The following CDH13 variants were observed in gnomAD, a reference collection of about 807,000 sequenced individuals.
CDH13 encodes the protein cadherin 13, also known as cadherin-13.
A neutral mutation model predicts 63.8 loss-of-function variants in CDH13; 24 were observed. The ratio of observed to expected loss-of-function variants is 0.38; its 90% CI spans 0.27 to 0.53. CDH13 has a LOEUF of 0.53. CDH13 is among the 20% of genes least tolerant of loss of function. The pLI is 0.85. For missense variants in CDH13, 1,049 were observed against 903.1 expected (o/e 1.16, Z -2.07); for synonymous variants, 503 against 355.3 (o/e 1.42, Z -4.67).
At chr16:83,741,110 C>A (rs1912016106) in intron 10 of CDH13, among the ~76,000 whole-genome samples, 1 of 152,188 alleles carries the variant, frequency 6.6e-6, no homozygotes, top group African/African-American at 2.4e-5. Context: ...CTGTGACTGT[C>A]TAACTAATCT....
intron 7 of CDH13, among the ~76,000 whole-genome samples, chr16:83,554,348 G>C (rs1285576033): frequency 6.6e-6 from 1 of 152,068 alleles, no homozygotes; most frequent in East Asian, 1.9e-4. Flanking sequence ...TCGAAGAAGA[G>C]ATAGGAAAAC....
At chr16:83,155,832 A>G (rs1279367849) in intron 4 of CDH13, among the ~76,000 whole-genome samples, 1 of 152,196 alleles carries the variant, frequency 6.6e-6, no homozygotes, top group African/African-American at 2.4e-5. Context: ...CAATGCCACA[A>G]ACAGGAGTTC....
chr16:82,700,251 G>A (rs1399020235), intron 1 of CDH13, among the ~76,000 whole-genome samples: 1 of 152,198 alleles, frequency 6.6e-6, no homozygotes, highest in South Asian at 2.1e-4. Flanking sequence ...GGTTTAGAAT[G>A]TGCAGCAGTT....
chr16:83,290,772 T>C (rs2089447327), intron 5 of CDH13, among the ~76,000 whole-genome samples: 1 of 152,158 alleles, frequency 6.6e-6, no homozygotes, highest in African/African-American at 2.4e-5. Flanking sequence ...GTTGTGACTG[T>C]CCACTGTCCA....
At chr16:83,355,070 C>T (rs1469518210) in intron 6 of CDH13, among the ~76,000 whole-genome samples, 4 of 152,106 alleles carry the variant, frequency 2.6e-5, no homozygotes, top group South Asian at 2.1e-4. Flanking sequence ...GTAGGAAGCC[C>T]TTGGGTGGTT....
chr16:83,581,453 A>C lies in CDH13; in HGVS notation c.961-21001A>C, dbSNP rs548351469. On this transcript the variant is annotated intron_variant, in intron 7 of 13. Transcript: ENST00000567109. ...CCTTTTTCTGAAAGTTTCTCCTCCA[A>C]AATATCCACATCTCCTCCTTATTCC... Among the ~76,000 whole-genome samples, 33 of 152,240 alleles carry C rather than the reference A, an allele frequency of 2.2e-4. No homozygotes were observed. The South Asian group carries it at 6.4e-3, about 30-fold the overall frequency.
rs182966091 is a variant in CDH13, at chr16:83,080,349, A to C, written c.367-45036A>C. Among the ~76,000 whole-genome samples the C allele has an allele frequency of 3.9e-5, 6 of 152,208 alleles. No individual in the cohort carries two copies. The East Asian group carries it at 1.2e-3, about 29-fold the overall frequency. The stretch of plus-strand genomic sequence containing the variant: ...CTGTGTATGAAAAGCATAAAGAGAA[A>C]ATTTGGTTGCCCTCATGCTCACTCT... On this transcript the variant is annotated intron_variant, in intron 3 of 13. Coordinates refer to ENST00000567109, the MANE Select transcript of CDH13 (RefSeq NM_001257.5).
chr16:82,677,831 C>G (rs1469745920), intron 1 of CDH13, among the ~76,000 whole-genome samples: 1 of 152,094 alleles, frequency 6.6e-6, no homozygotes, highest in Non-Finnish European at 1.5e-5. Context: ...TCAGTGGGTC[C>G]TGGTTAAGCC....
At chr16:83,102,746 T>C (rs2034544770) in intron 3 of CDH13, among the ~76,000 whole-genome samples, 1 of 151,826 alleles carries the variant, frequency 6.6e-6, no homozygotes, top group East Asian at 1.9e-4. Context: ...TGATTTTGGC[T>C]TGGAGCAAGG....
In CDH13 at chr16:82,627,050, G is replaced by T. The variant is rs1042438816; in HGVS notation, c.-43G>T. The T allele has an allele frequency of 9.7e-5, 152 of 1,573,380 alleles. No homozygotes were observed. Among genetic ancestry groups the T allele is most frequent in the Non-Finnish European group, 1.3e-4 (149 of 1,159,124 alleles). On this transcript the variant is annotated 5_prime_UTR_variant, in exon 1 of 14. Coordinates refer to ENST00000567109, the MANE Select transcript of CDH13 (RefSeq NM_001257.5). ...CGGAAAATATGCTCAGTGCAGCCGC[G>T]TGCATGAATGAAAACGCCGCCGGGC...
intron 1 of CDH13, among the ~76,000 whole-genome samples, chr16:82,786,714 C>T (rs892069376): frequency 6.8e-6 from 1 of 146,058 alleles, no homozygotes; most frequent in East Asian, 2.1e-4. Flanking sequence ...TCCAAGCGTT[C>T]TCATTGTTCA....
At chr16:83,147,535 C>A (rs1397773875) in intron 4 of CDH13, among the ~76,000 whole-genome samples, 1 of 152,226 alleles carries the variant, frequency 6.6e-6, no homozygotes, top group Non-Finnish European at 1.5e-5. Context: ...CCTTTCACGA[C>A]TATCTTATCA....
intron 5 of CDH13, among the ~76,000 whole-genome samples, chr16:83,342,743 C>G (rs2090752838): frequency 6.6e-6 from 1 of 151,008 alleles, no homozygotes; most frequent in Non-Finnish European, 1.5e-5. Flanking sequence ...ACCTATCCTA[C>G]TTGTAGCTTA....
At chr16:83,145,618 C>A (rs1206898414) in intron 4 of CDH13, among the ~76,000 whole-genome samples, 1 of 152,212 alleles carries the variant, frequency 6.6e-6, no homozygotes, top group East Asian at 1.9e-4. Context: ...GCACTTGTTT[C>A]ATTTTTTCTT....
intron 3 of CDH13, among the ~76,000 whole-genome samples, chr16:83,042,466 C>T (rs552879948): frequency 6.6e-6 from 1 of 152,218 alleles, no homozygotes; most frequent in South Asian, 2.1e-4. Context: ...CATGTAGTCG[C>T]AGGAAAACAA....
intron 10 of CDH13, among the ~76,000 whole-genome samples, chr16:83,704,417 G>A (rs141254706): frequency 5.9e-5 from 9 of 151,914 alleles, no homozygotes; most frequent in African/African-American, 9.7e-5. Flanking sequence ...GCTTAGACTC[G>A]GGTCAGGTCC....
At chr16:82,785,997 C>A (rs1263009714) in intron 1 of CDH13, among the ~76,000 whole-genome samples, 1 of 152,110 alleles carries the variant, frequency 6.6e-6, no homozygotes, top group Non-Finnish European at 1.5e-5. Flanking sequence ...ACAGGCTAAA[C>A]TAATTCCGAC....
intron 1 of CDH13, among the ~76,000 whole-genome samples, chr16:82,803,917 A>G (rs1232839006): frequency 6.6e-6 from 1 of 152,148 alleles, no homozygotes; most frequent in African/African-American, 2.4e-5. Flanking sequence ...AGGTAACAAA[A>G]CTGTAATGTG....
chr16:83,232,546 A>AACAAC (rs200337878), intron 5 of CDH13, among the ~76,000 whole-genome samples: 4 of 99,192 alleles, frequency 4.0e-5, no homozygotes, highest in African/African-American at 2.1e-4. Flanking sequence ...CAACAACAAC[A>AACAAC]AACAAACAAA....
Sources: allele counts gnomAD v4.1 joint callset (sites outside exome capture counted in the v4.1 genomes callset), GRCh38; gene constraint gnomAD v4.1.1; transcripts MANE v1.5; gene names NCBI Gene and HGNC (gene_info 2026-07-23, HGNC 2026-07-21).